DCAF8: variants seen among roughly 807,000 people sequenced by gnomAD.
DCAF8 encodes the protein DDB1 and CUL4 associated factor 8, also known as DDB1- and CUL4-associated factor 8.
A neutral mutation model predicts 68.0 loss-of-function variants in DCAF8; 20 were observed. The observed-to-expected ratio is 0.29, with a 90% CI of 0.21 to 0.43. The LOEUF (loss-of-function observed/expected upper bound fraction) is 0.43, where lower values mean the gene tolerates loss of function less well. Ranked by LOEUF, DCAF8 falls within the 20% of genes least tolerant of loss-of-function variation. The pLI is 1.00. For missense variants in DCAF8, 460 were observed against 771.0 expected (o/e 0.60, Z 4.78); for synonymous variants, 230 against 276.9 (o/e 0.83, Z 1.68).
intron 5 of DCAF8, 41 bp downstream of exon 5, chr1:160,238,566 G>A (rs1655972044): frequency 1.3e-6 from 2 of 1,556,980 alleles, no homozygotes; most frequent in African/African-American, 1.4e-5. Flanking sequence ...GAACCACAGA[G>A]GATTTGGATT....
At position 160,222,687 on chromosome 1, in the gene DCAF8, C is replaced by A; in HGVS notation, c.1404G>T (p.Gln468His). The A allele has an allele frequency of 6.2e-7, 1 of 1,614,164 alleles. No individual in the cohort carries two copies. The highest frequency in any genetic ancestry group is 8.5e-7 in the Non-Finnish European group (1 of 1,180,022). Residue 468 changes from glutamine (Q) to histidine (H), a missense_variant, in exon 11 of 14, where the codon CAG (glutamine) becomes CAT (histidine). Gln to His is a conservative substitution (Grantham distance 24). Around this residue, in one of 8 missense-constraint regions of DCAF8, gnomAD observed 30 missense variants for 69.6 expected, o/e 0.43. Transcript: ENST00000368074. ...TGTCCCCCTCCATGAACTGAATAAT[C>A]TGGCAGGATGATTTCTCCCAGAGGA... ...HIFLWEKSSC[Q>H]IIQFMEGDKG... is the part of the protein sequence containing the mutation.
At position 160,227,384 on chromosome 1, in the gene DCAF8, C is replaced by CCTG. The variant is rs1316358543; in HGVS notation, c.1071-1724_1071-1722dup. Among the ~76,000 whole-genome samples the CCTG allele has an allele frequency of 2.0e-5, 3 of 152,202 alleles. No individual in the cohort carries two copies. The East Asian group carries it at 5.8e-4, about 29-fold the overall frequency. On this transcript the variant is annotated intron_variant, in intron 7 of 13. Coordinates refer to ENST00000368074, the MANE Select transcript of DCAF8 (RefSeq NM_015726.4). ...AGCTCACACGATCCTCCCGCCTCAA[C>CCTG]CTGCCGCGTAGCTGGGACTACAGGC...
At chr1:160,239,560 G>A in intron 4 of DCAF8, 137 bp downstream of exon 4, 1 of 1,583,320 alleles carries the variant, frequency 6.3e-7, no homozygotes, top group Non-Finnish European at 8.6e-7. Flanking sequence ...TAGGTCATTA[G>A]GGGAGCCAAA....
chr1:160,241,514 A>G (rs762710718), intron 3 of DCAF8, among the ~76,000 whole-genome samples: 25 of 152,218 alleles, frequency 1.6e-4, no homozygotes, highest in Admixed American at 4.6e-4. Flanking sequence ...TATCGATCTT[A>G]TCTCCTATAA....
intron 12 of DCAF8, among the ~76,000 whole-genome samples, 155 bp downstream of exon 12, chr1:160,218,694 A>T (rs548904057): frequency 6.6e-6 from 1 of 152,340 alleles, no homozygotes; most frequent in South Asian, 2.1e-4. Context: ...CTGGAGCAGG[A>T]CTATTCCTAC....
intron 8 of DCAF8, 28 bp from the exon 9 acceptor site, chr1:160,225,147 T>C: frequency 6.8e-6 from 11 of 1,608,586 alleles, no homozygotes; most frequent in Non-Finnish European, 9.4e-6. Context: ...TACTGACTGA[T>C]GCCCCACCCC....
chr1:160,227,694 GA>G (rs1655526533), intron 7 of DCAF8, among the ~76,000 whole-genome samples: 2 of 152,260 alleles, frequency 1.3e-5, no homozygotes, highest in African/African-American at 4.8e-5. Context: ...TAAAACTATT[GA>G]ATTCTGCCAT....
chr1:160,238,950 G>GT lies in DCAF8; in HGVS notation c.724-204dup, dbSNP rs890892022. 5 of 653,978 alleles carry GT rather than the reference G, an allele frequency of 7.6e-6. No homozygotes were observed. In the African/African-American group the frequency reaches 9.4e-5, roughly 12 times the overall value. The allele number at this position is 653,978 out of a possible 1,614,324, so 40.5% of individuals were successfully genotyped here. The stretch of plus-strand genomic sequence containing the variant: ...AGGGAGAGAAAAAACTTCCTTTGAT[G>GT]TAAGAGAGCATTTCAGTTGGCTCTG... On this transcript the variant is annotated intron_variant, in intron 4 of 13. Transcript: ENST00000368074.
intron 6 of DCAF8, among the ~76,000 whole-genome samples, chr1:160,231,954 A>C (rs1336439277): frequency 6.6e-6 from 1 of 151,384 alleles, no homozygotes; most frequent in Non-Finnish European, 1.5e-5. Context: ...ACTTTGGGAG[A>C]CTGAGGCGGG....
intron 2 of DCAF8, among the ~76,000 whole-genome samples, chr1:160,244,900 C>G (rs936245418): frequency 6.6e-6 from 1 of 152,094 alleles, no homozygotes; most frequent in Non-Finnish European, 1.5e-5. Flanking sequence ...TGAGCCACCA[C>G]GCCCAGCCCA....
chr1:160,238,996 A>G (rs1655992967), intron 4 of DCAF8: 2 of 537,556 alleles, frequency 3.7e-6, no homozygotes, highest in East Asian at 4.9e-5. Context: ...CTGGCACATG[A>G]TAAGAGCTCA....
At chr1:160,253,160 C>T (rs995932730) in intron 2 of DCAF8, among the ~76,000 whole-genome samples, 4 of 152,056 alleles carry the variant, frequency 2.6e-5, no homozygotes, top group Non-Finnish European at 5.9e-5. Context: ...TTGAGAAGAA[C>T]GAATAATCAA....
intron 3 of DCAF8, among the ~76,000 whole-genome samples, chr1:160,243,091 T>C (rs1656181909): frequency 6.6e-6 from 1 of 152,240 alleles, no homozygotes; most frequent in Non-Finnish European, 1.5e-5. Context: ...TAAGGAATGC[T>C]GGACTCTGTG....
At chr1:160,222,893 AT>A in intron 10 of DCAF8, 112 bp from the exon 11 acceptor site, 1 of 1,425,186 alleles carries the variant, frequency 7.0e-7, no homozygotes, top group East Asian at 2.3e-5. Context: ...TAGATTATGC[AT>A]GTTTAACAGA....
In DCAF8 at chr1:160,218,977, G is replaced by C; in HGVS notation, c.1441-9C>G. The C allele has an allele frequency of 6.2e-7, 1 of 1,614,012 alleles. No homozygotes were observed. Among genetic ancestry groups the C allele is most frequent in the Non-Finnish European group, 8.5e-7 (1 of 1,179,972 alleles). On this transcript the variant is annotated splice_polypyrimidine_tract_variant and intron_variant, in intron 11 of 13. Coordinates refer to ENST00000368074, the MANE Select transcript of DCAF8 (RefSeq NM_015726.4). ...GGCTCAAGACAGTTTACCTGGTCAGGAAGAAAGGAAAACACAGACTCAGCA... is the reference window on the plus strand; with the variant it reads ...GGCTCAAGACAGTTTACCTGGTCAGCAAGAAAGGAAAACACAGACTCAGCA...
intron 7 of DCAF8, among the ~76,000 whole-genome samples, chr1:160,226,365 C>T (rs1473348791): frequency 6.6e-6 from 1 of 152,090 alleles, no homozygotes; most frequent in African/African-American, 2.4e-5. Flanking sequence ...CTCAAGACTC[C>T]CTCTCCTTTC....
intron 2 of DCAF8, among the ~76,000 whole-genome samples, chr1:160,248,360 G>A (rs1248575402): frequency 6.6e-6 from 1 of 151,752 alleles, no homozygotes; most frequent in Non-Finnish European, 1.5e-5. Context: ...ACAATGCAAA[G>A]ACAAGCTACA....
intron 11 of DCAF8, 92 bp downstream of exon 11, chr1:160,222,559 G>A: frequency 6.6e-7 from 1 of 1,525,626 alleles, no homozygotes; most frequent in Non-Finnish European, 9.0e-7. Context: ...ATGGTATCAT[G>A]TAGTCACAGT....
At chr1:160,237,280 G>T in intron 5 of DCAF8, 51 bp from the exon 6 acceptor site, 1 of 1,287,014 alleles carries the variant, frequency 7.8e-7, no homozygotes, top group Non-Finnish European at 1.1e-6. Flanking sequence ...AGAATTAGAG[G>T]TCATCTAGTT....
Sources: gnomAD v4.1 joint callset for allele counts (sites outside exome capture counted in the v4.1 genomes callset) on GRCh38, gnomAD v4.1.1 for gene constraint, gnomAD v4.1.1 regional missense constraint, MANE v1.5 for transcripts, NCBI Gene and HGNC (gene_info 2026-07-23, HGNC 2026-07-21) for gene names.